The following CHN2 variants were observed in gnomAD, a reference collection of about 807,000 sequenced individuals.
CHN2 encodes the protein chimerin 2.
In CHN2, 35 loss-of-function variants were observed where a neutral mutation model predicts 56.3. That is an observed-to-expected ratio of 0.62 (90% CI 0.47 to 0.82). The LOEUF (loss-of-function observed/expected upper bound fraction) is 0.82. Ranked by LOEUF, CHN2 falls within the 40% of genes least tolerant of loss-of-function variation. The pLI is 0.00. For missense variants in CHN2, 491 were observed against 580.5 expected (o/e 0.85, Z 1.58); for synonymous variants, 210 against 212.8 (o/e 0.99, Z 0.12).
chr7:29,341,495 G>A (rs1437193245), intron 1 of CHN2, among the ~76,000 whole-genome samples: 1 of 152,038 alleles, frequency 6.6e-6, no homozygotes, highest in Non-Finnish European at 1.5e-5. Flanking sequence ...GAGATCAATA[G>A]TATCTCTATT....
intron 6 of CHN2, among the ~76,000 whole-genome samples, chr7:29,411,054 A>G (rs959748245): frequency 7.2e-5 from 11 of 152,138 alleles, no homozygotes; most frequent in Non-Finnish European, 1.3e-4. Context: ...ACATTTCTCT[A>G]TCTCCAAACA....
At chr7:29,295,799 G>GACTAATGCA (rs1481474581) in intron 1 of CHN2, among the ~76,000 whole-genome samples, 1 of 152,222 alleles carries the variant, frequency 6.6e-6, no homozygotes, top group Non-Finnish European at 1.5e-5. Flanking sequence ...GCAAGTTTTT[G>GACTAATGCA]ACTAATGCAG....
intron 2 of CHN2, among the ~76,000 whole-genome samples, chr7:29,167,891 GCAAAAACCCC>G (rs1336241326): frequency 6.6e-6 from 1 of 152,166 alleles, no homozygotes; most frequent in African/African-American, 2.4e-5. Flanking sequence ...ACTTACTGAT[GCAAAAACCCC>G]CATGCTTTCC....
At chr7:29,208,535 T>A in intron 1 of CHN2, among the ~76,000 whole-genome samples, 1 of 152,186 alleles carries the variant, frequency 6.6e-6, no homozygotes, top group Non-Finnish European at 1.5e-5. Context: ...GGGGATGATA[T>A]TGTGCCTTGC....
intron 5 of CHN2, 121 bp from the exon 6 acceptor site, chr7:29,400,422 A>G: frequency 2.1e-6 from 2 of 954,468 alleles, no homozygotes. Flanking sequence ...AAATCACATC[A>G]AGTGCTTAGC....
rs1024851198 is a variant in CHN2, at chr7:29,322,677, T to C, written c.50-31948T>C. On this transcript the variant is annotated intron_variant, in intron 1 of 12. Coordinates refer to ENST00000222792, the MANE Select transcript of CHN2 (RefSeq NM_004067.4). ...AGCTCTTTCAGCTGGTCATATGAAG[T>C]CCTAGGTCTTTACTCCACAAAGGAA... is the stretch of plus-strand genomic sequence containing the variant. Among the ~76,000 whole-genome samples, 6 of 152,184 alleles carry C rather than the reference T, an allele frequency of 3.9e-5. No homozygotes were observed. The South Asian group carries it at 1.2e-3, about 31-fold the overall frequency.
intron 3 of CHN2, among the ~76,000 whole-genome samples, chr7:29,388,005 G>A (rs572873864): frequency 1.3e-5 from 2 of 152,286 alleles, no homozygotes; most frequent in South Asian, 2.1e-4. Flanking sequence ...ATTGTGAAAA[G>A]ATTGCTATTA....
At chr7:29,167,445 C>T (rs952889712) in intron 2 of CHN2, among the ~76,000 whole-genome samples, 6 of 152,034 alleles carry the variant, frequency 3.9e-5, no homozygotes, top group African/African-American at 1.2e-4. Context: ...TTGTTTGATT[C>T]GCTGGTACAA....
At chr7:29,496,134 T>A in intron 8 of CHN2, 98 bp downstream of exon 8, 1 of 973,262 alleles carries the variant, frequency 1.0e-6, no homozygotes. Flanking sequence ...TCAGATTAGC[T>A]CAAAAGTCTA....
At chr7:29,256,898 T>C (rs773901837) in intron 1 of CHN2, among the ~76,000 whole-genome samples, 1 of 152,144 alleles carries the variant, frequency 6.6e-6, no homozygotes, top group Non-Finnish European at 1.5e-5. Context: ...GGCTGAAAAT[T>C]CCTTTTGTCA....
At chr7:29,329,402 A>G (rs920421798) in intron 1 of CHN2, among the ~76,000 whole-genome samples, 1 of 150,078 alleles carries the variant, frequency 6.7e-6, no homozygotes, top group Non-Finnish European at 1.5e-5. Flanking sequence ...AAAAAAAAAA[A>G]GTCAGCAATT....
In CHN2 at chr7:29,339,698, C is replaced by A. The variant is rs1262300156; in HGVS notation, c.50-14927C>A. 3.3e-5 allele frequency among the ~76,000 whole-genome samples: 5 copies of A among 151,962 alleles called. No individual in the cohort carries two copies. The East Asian group carries it at 9.7e-4, about 29-fold the overall frequency. ...TGAAACCCTGTCTCTACTAACAATA[C>A]AAAAATCAGCCAGGCATGATGGCAC... On this transcript the variant is annotated intron_variant, in intron 1 of 12. Coordinates refer to ENST00000222792, the MANE Select transcript of CHN2 (RefSeq NM_004067.4).
chr7:29,353,863 A>G (rs1033397404), intron 1 of CHN2, among the ~76,000 whole-genome samples: 2 of 152,206 alleles, frequency 1.3e-5, no homozygotes, highest in Non-Finnish European at 2.9e-5. Context: ...CCAAGGCCTT[A>G]TAGCTGTGAG....
chr7:29,312,333 C>T (rs1008144132), intron 1 of CHN2, among the ~76,000 whole-genome samples: 1 of 152,132 alleles, frequency 6.6e-6, no homozygotes, highest in Non-Finnish European at 1.5e-5. Context: ...TCTTAATTTC[C>T]GTTCCCCTGA....
At chr7:29,407,721 T>C (rs1354702801) in intron 6 of CHN2, among the ~76,000 whole-genome samples, 1 of 152,224 alleles carries the variant, frequency 6.6e-6, no homozygotes, top group East Asian at 1.9e-4. Flanking sequence ...GCAGTGAGAA[T>C]GGATTTAACT....
At chr7:29,335,149 A>G (rs1211635005) in intron 1 of CHN2, among the ~76,000 whole-genome samples, 1 of 152,216 alleles carries the variant, frequency 6.6e-6, no homozygotes, top group Non-Finnish European at 1.5e-5. Context: ...GGAGCCATCT[A>G]TTTAGGGTAG....
intron 2 of CHN2, among the ~76,000 whole-genome samples, chr7:29,184,885 T>C (rs1336724191): frequency 6.6e-6 from 1 of 152,158 alleles, no homozygotes; most frequent in Non-Finnish European, 1.5e-5. Flanking sequence ...ATGCCAGCCC[T>C]GAGGAATGGG....
intron 6 of CHN2, among the ~76,000 whole-genome samples, chr7:29,409,486 T>C (rs1425467997): frequency 6.6e-6 from 1 of 152,208 alleles, no homozygotes; most frequent in East Asian, 1.9e-4. Flanking sequence ...TGTAAATCTC[T>C]TTAGTGTCTG....
At chr7:29,258,357 T>C (rs1427298139) in intron 1 of CHN2, among the ~76,000 whole-genome samples, 1 of 151,966 alleles carries the variant, frequency 6.6e-6, no homozygotes. Context: ...ACTACACTTC[T>C]AAGCTTTGTG....
Sources: allele counts gnomAD v4.1 joint callset (sites outside exome capture counted in the v4.1 genomes callset), GRCh38; gene constraint gnomAD v4.1.1; transcripts MANE v1.5; gene names NCBI Gene and HGNC (gene_info 2026-07-23, HGNC 2026-07-21).